The following CSMD1 variants were observed in gnomAD, a reference collection of about 807,000 sequenced individuals.
CSMD1 encodes CUB and Sushi multiple domains 1, also known as CUB and sushi domain-containing protein 1.
A neutral mutation model predicts 417.5 loss-of-function variants in CSMD1; 213 were observed. That is an observed-to-expected ratio of 0.51 (90% CI 0.46 to 0.57). The LOEUF is 0.57. Ranked by LOEUF, CSMD1 falls within the 20% of genes least tolerant of loss-of-function variation. The probability of loss-of-function intolerance (pLI) is 0.00; values close to 1 mark genes in which losing one functional copy is unlikely to be tolerated. For missense variants in CSMD1, 6,923 were observed against 4,529.7 expected (o/e 1.53, Z -15.17); for synonymous variants, 2,862 against 1,736.8 (o/e 1.65, Z -16.11).
At chr8:3,061,714 T>C (rs1417501183) in intron 49 of CSMD1, among the ~76,000 whole-genome samples, 3 of 152,240 alleles carry the variant, frequency 2.0e-5, no homozygotes, top group African/African-American at 7.2e-5. Context: ...TGTTTCAACA[T>C]TACTGCCTTT....
intron 10 of CSMD1, among the ~76,000 whole-genome samples, chr8:3,518,647 A>G (rs1236470969): frequency 3.9e-5 from 6 of 152,328 alleles, no homozygotes; most frequent in African/African-American, 1.2e-4. Context: ...TGAAAGGAAG[A>G]AACAAATAAA....
chr8:4,125,072 G>A (rs548004015), intron 3 of CSMD1, among the ~76,000 whole-genome samples: 43 of 151,986 alleles, frequency 2.8e-4, no homozygotes, highest in Non-Finnish European at 5.0e-4. Flanking sequence ...CGCCGCTGCA[G>A]TCCACGGCTT....
chr8:4,906,363 A>G lies in CSMD1; in HGVS notation c.85+87969T>C, dbSNP rs569088610. 1.6e-4 allele frequency among the ~76,000 whole-genome samples: 24 copies of G among 152,266 alleles called. 1 individual carries two copies. The South Asian group carries it at 5.0e-3, about 32-fold the overall frequency. ...TAAAACACATTCTTGCATACAACTT[A>G]TGTTATTGTGGGTAGAACACTGAGT... is the stretch of plus-strand genomic sequence containing the variant. On this transcript the variant is annotated intron_variant, in intron 1 of 69. Transcript: ENST00000635120.
chr8:4,788,478 T>A lies in CSMD1; in HGVS notation c.86-150920A>T, dbSNP rs562314290. On this transcript the variant is annotated intron_variant, in intron 1 of 69. Transcript: ENST00000635120. ...GGATCAGCTCAATTTACTGCTCAGA[T>A]ATTTGGGGTAGACAACCATTTAGTA... 239 of 1,319,010 alleles carry A rather than the reference T, an allele frequency of 1.8e-4. 3 individuals carry two copies. The South Asian group carries it at 2.7e-3, about 15-fold the overall frequency. The allele number at this position is 1,319,010 out of a possible 1,614,324, so 81.7% of individuals were successfully genotyped here. A position where few individuals can be genotyped will look rare whatever the true frequency, so the allele number is the denominator to read the frequency against.
chr8:3,128,872 G>C (rs1192648318), intron 41 of CSMD1: 3 of 455,220 alleles, frequency 6.6e-6, no homozygotes, highest in Non-Finnish European at 1.3e-5. Flanking sequence ...CAAGACATGG[G>C]AAAGCAGGAC....
At chr8:4,781,428 A>G (rs1193648959) in intron 1 of CSMD1, among the ~76,000 whole-genome samples, 3 of 152,348 alleles carry the variant, frequency 2.0e-5, no homozygotes, top group African/African-American at 7.2e-5. Context: ...TGTCAGATTT[A>G]TAAATAACTG....
chr8:3,899,775 T>C (rs1287288737), intron 5 of CSMD1, among the ~76,000 whole-genome samples: 1 of 152,114 alleles, frequency 6.6e-6, no homozygotes, highest in Non-Finnish European at 1.5e-5. Flanking sequence ...CAGGGCACAG[T>C]TTTGACCTGA....
chr8:3,849,203 A>G (rs1803710201), intron 5 of CSMD1, among the ~76,000 whole-genome samples: 1 of 152,120 alleles, frequency 6.6e-6, no homozygotes, highest in African/African-American at 2.4e-5. Context: ...TCAACCTGGG[A>G]ATGGTTGATG....
chr8:3,033,598 G>A lies in CSMD1; in HGVS notation c.7661-4085C>T, dbSNP rs138401904. ...GGAACATCACACACCAGGGCCTGTC[G>A]GGAGGTAAGGGACAAGAGGAGGGAG... is the stretch of plus-strand genomic sequence containing the variant. On this transcript the variant is annotated intron_variant, in intron 50 of 69. Transcript: ENST00000635120. 5.2e-4 allele frequency among the ~76,000 whole-genome samples: 79 copies of A among 151,936 alleles called. 2 individuals carry two copies. Among genetic ancestry groups the A allele is most frequent in the African/African-American group, 1.7e-3 (69 of 41,484 alleles).
At chr8:3,699,986 C>T (rs917297952) in intron 7 of CSMD1, among the ~76,000 whole-genome samples, 1 of 149,430 alleles carries the variant, frequency 6.7e-6, no homozygotes, top group African/African-American at 2.6e-5. Context: ...ATTCAATTCA[C>T]CACCTGAGCA....
chr8:4,578,589 GGCGGTT>G (rs1799253629), intron 2 of CSMD1, among the ~76,000 whole-genome samples: 1 of 151,144 alleles, frequency 6.6e-6, no homozygotes, highest in Non-Finnish European at 1.5e-5. Flanking sequence ...GGCCAAGGTG[GGCGGTT>G]CACGAGGTCA....
At chr8:4,338,435 T>G (rs1462530147) in intron 3 of CSMD1, among the ~76,000 whole-genome samples, 2 of 152,108 alleles carry the variant, frequency 1.3e-5, no homozygotes, top group African/African-American at 4.8e-5. Flanking sequence ...ATCAGAGCCA[T>G]GCAAACAAGA....
rs779530763 is a variant in CSMD1, at chr8:3,223,842, G to A, written c.4371C>T (p.Gly1457=). Residue 1457 remains glycine, a synonymous_variant, in exon 28 of 70, where the codon GGC becomes GGT. Coordinates refer to ENST00000635120, the MANE Select transcript of CSMD1 (RefSeq NM_033225.6). ...CIAACGGNLT[G]PAGVILSPNY... is the part of the protein sequence containing the mutation. ...TGGGTGACAAAATAACACCTGCTGG[G>A]CCCGTCAGATTCCCTCCACAAGCAG... 2.4e-5 allele frequency: 39 copies of A among 1,613,698 alleles called. No homozygotes were observed. In the Admixed American group the frequency reaches 2.7e-4, roughly 11 times the overall value.
chr8:4,688,278 A>G (rs1362720672), intron 1 of CSMD1, among the ~76,000 whole-genome samples: 3 of 152,102 alleles, frequency 2.0e-5, no homozygotes, highest in Non-Finnish European at 2.9e-5. Flanking sequence ...GATCTAACAT[A>G]ATGAATCTAT....
intron 3 of CSMD1, among the ~76,000 whole-genome samples, chr8:4,387,939 G>C (rs533033256): frequency 2.6e-5 from 4 of 151,956 alleles, no homozygotes; most frequent in East Asian, 1.9e-4. Context: ...TAACAACAAA[G>C]GATTTCATGT....
intron 7 of CSMD1, among the ~76,000 whole-genome samples, chr8:3,631,696 G>C (rs1191127918): frequency 1.3e-5 from 2 of 152,204 alleles, no homozygotes; most frequent in African/African-American, 2.4e-5. Context: ...GTCAGACGGA[G>C]GGAAGAAATT....
At position 3,284,278 on chromosome 8, in the gene CSMD1, T is replaced by C. The variant is rs763670525; in HGVS notation, c.4019A>G (p.Asp1340Gly). 6.2e-7 allele frequency: 1 copy of C among 1,613,886 alleles called. No homozygotes were observed. The highest frequency in any genetic ancestry group is 8.5e-7 in the Non-Finnish European group (1 of 1,179,856). ...DILKVWDGPV[D>G]SDILLKEWSG... ...CCACTCCTTCAGCAGGATGTCACTG[T>C]CCACCGGCCCGTCCCAGACCTTGAG... Residue 1340 changes from aspartate (D) to glycine (G), a missense_variant, in exon 26 of 70, where the codon GAC becomes GGC. Coordinates refer to ENST00000635120, the MANE Select transcript of CSMD1 (RefSeq NM_033225.6).
At chr8:4,547,110 T>A in intron 2 of CSMD1, among the ~76,000 whole-genome samples, 1 of 152,210 alleles carries the variant, frequency 6.6e-6, no homozygotes, top group Non-Finnish European at 1.5e-5. Flanking sequence ...ATTCAATATA[T>A]GCATCCCCCA....
chr8:3,186,461 G>C (rs1563123203), intron 36 of CSMD1, among the ~76,000 whole-genome samples: 1 of 152,050 alleles, frequency 6.6e-6, no homozygotes, highest in African/African-American at 2.4e-5. Flanking sequence ...TGATAGATTG[G>C]CACTTTATTC....
Sources: gnomAD v4.1 joint callset for allele counts (sites outside exome capture counted in the v4.1 genomes callset) on GRCh38, gnomAD v4.1.1 for gene constraint, MANE v1.5 for transcripts, NCBI Gene and HGNC (gene_info 2026-07-23, HGNC 2026-07-21) for gene names.